The following NEURL3 variants were observed in gnomAD, a reference collection of about 807,000 sequenced individuals.
NEURL3 encodes the protein neuralized E3 ubiquitin protein ligase 3, also known as E3 ubiquitin-protein ligase NEURL3.
In NEURL3, 19 loss-of-function variants were observed where a neutral mutation model predicts 17.6. The observed-to-expected ratio is 1.08, with a 90% CI of 0.75 to 1.58. NEURL3 has a LOEUF of 1.58. Among genes scored for constraint, NEURL3 ranks in the 40% most tolerant of loss-of-function variants. The probability of loss-of-function intolerance (pLI) is 0.00; values close to 1 mark genes in which losing one functional copy is unlikely to be tolerated. For synonymous variants in NEURL3, 180 were observed against 161.4 expected (o/e 1.11, Z -0.87); for missense variants, 342 against 379.6 (o/e 0.90, Z 0.82).
chr2:96,497,891 C>G lies in NEURL3; in HGVS notation c.*353G>C. The G allele has an allele frequency of 4.7e-6, 1 of 210,666 alleles. No homozygotes were observed. The allele number at this position is 210,666 out of a possible 1,614,324, so 13.0% of individuals were successfully genotyped here. On this transcript the variant is annotated 3_prime_UTR_variant, in exon 4 of 4. Transcript: ENST00000451794. ...TTGCAGATACCTCCTGCTTCAAGTC[C>G]AGGTTCTTCAATACCCAGGAGGTAC...
At position 96,498,665 on chromosome 2, in the gene NEURL3, G is replaced by T. The variant is rs1171779561; in HGVS notation, c.587-219C>A. ...ATTCCAATTTAGAGAGAAGGAAAAC[G>T]CAGCACAGACAAGTCCCTATATACA... is the stretch of plus-strand genomic sequence containing the variant. On this transcript the variant is annotated intron_variant, in intron 3 of 3. Coordinates refer to ENST00000451794, the MANE Select transcript of NEURL3 (RefSeq NM_001285485.2). The surrounding 1 kb of genome is among the most constrained non-coding windows in gnomAD (Gnocchi z 4.4). Among the ~76,000 whole-genome samples, 1 of 152,108 alleles carries T rather than the reference G, an allele frequency of 6.6e-6. No homozygotes were observed. Among genetic ancestry groups the T allele is most frequent in the African/African-American group, 2.4e-5 (1 of 41,414 alleles).
At chr2:96,499,733 C>G (rs1026267471) in intron 2 of NEURL3, among the ~76,000 whole-genome samples, 3 of 152,060 alleles carry the variant, frequency 2.0e-5, no homozygotes, top group African/African-American at 7.2e-5. Context: ...GACCCTCGGC[C>G]GAGCCACATT....
At chr2:96,505,883 G>A (rs2065556990), upstream of NEURL3, among the ~76,000 whole-genome samples, 1 of 152,230 alleles carries the variant, frequency 6.6e-6, no homozygotes, top group South Asian at 2.1e-4. Context: ...GACAGAAGAG[G>A]AGAGGAGCTG....
In NEURL3 at chr2:96,500,839, C is replaced by T; in HGVS notation, c.114G>A (p.Ala38=). The T allele has an allele frequency of 6.5e-7, 1 of 1,531,572 alleles. No individual in the cohort carries two copies. Among genetic ancestry groups the T allele is most frequent in the Non-Finnish European group, 8.7e-7 (1 of 1,145,192 alleles). 94.9% of individuals were successfully genotyped at this position (1,531,572 alleles called of 1,614,324 possible). ...QVRLDTRGCI[A]HRRTTFHDGI... ...CGTCGTGGAACGTGGTGCGCCTGTG[C>T]GCGATGCAGCCACGCGTGTCCAGAC... The change falls in exon 2 of 4, where the codon GCG becomes GCA. Residue 38 remains alanine, a synonymous_variant. Transcript: ENST00000451794.
intron 1 of NEURL3, 91 bp from the exon 2 acceptor site, chr2:96,501,015 C>T: frequency 7.2e-7 from 1 of 1,379,648 alleles, no homozygotes; most frequent in South Asian, 1.6e-5. Context: ...GTCCCTCACA[C>T]CTGGGAGCAC....
At chr2:96,505,465 G>A, upstream of NEURL3, 1 of 648,658 alleles carries the variant, frequency 1.5e-6, no homozygotes, top group Non-Finnish European at 2.7e-6. Context: ...GGATTTCCCA[G>A]TGATTTCTCC....
At position 96,499,443 on chromosome 2, in the gene NEURL3, G is replaced by A. The variant is rs775160103; in HGVS notation, c.521C>T (p.Thr174Ile). 6.3e-7 allele frequency: 1 copy of A among 1,599,530 alleles called. No individual in the cohort carries two copies. The highest frequency in any genetic ancestry group is 1.1e-5 in the South Asian group (1 of 91,082). Reference sequence around the variant, plus strand: ...CATGGGTGTTGGGAGCCGGCTGGCTGTGGGATCTGAGGCAGAGAGAGAAAC... The same window carrying A: ...CATGGGTGTTGGGAGCCGGCTGGCTATGGGATCTGAGGCAGAGAGAGAAAC... ...TTKAIELLDP[T>I]ASRLPTPMPW... Residue 174 changes from threonine (T) to isoleucine (I), a missense_variant, in exon 3 of 4, where the codon ACA becomes ATA. Physicochemically the swap from Thr to Ile is moderately conservative, Grantham distance 89. Coordinates refer to ENST00000451794, the MANE Select transcript of NEURL3 (RefSeq NM_001285485.2).
At chr2:96,501,188 T>G (rs2065504361) in intron 1 of NEURL3, among the ~76,000 whole-genome samples, 1 of 152,158 alleles carries the variant, frequency 6.6e-6, no homozygotes, top group Admixed American at 6.5e-5. Context: ...TAAATATCTA[T>G]ATGTTTGTTA....
Position 96,498,263 on chromosome 2 carries a change from C to A in NEURL3, c.770G>T (p.Arg257Met). The change falls in exon 4 of 4, where the codon AGG becomes ATG. Residue 257 changes from arginine to methionine, a missense_variant. Physicochemically the swap from Arg to Met is moderately conservative, Grantham distance 91. Coordinates refer to ENST00000451794, the MANE Select transcript of NEURL3 (RefSeq NM_001285485.2). This position sits in a 1 kb window ranked among gnomAD's most constrained non-coding sequence, Gnocchi z 4.4. ...CTCCTTTCATGAGCCTTCCTCAACC[C>A]TCAGAGCAGGAGGGCCCTGCGCAGG... is the stretch of plus-strand genomic sequence containing the variant. ...VAPAQGPPAL[R>M]VEEGS 6.4e-7 allele frequency: 1 copy of A among 1,567,972 alleles called. No individual in the cohort carries two copies. Among genetic ancestry groups the A allele is most frequent in the East Asian group, 2.3e-5 (1 of 43,328 alleles).
At chr2:96,503,243 C>G (rs986758111) in intron 1 of NEURL3, among the ~76,000 whole-genome samples, 3 of 152,130 alleles carry the variant, frequency 2.0e-5, no homozygotes, top group Non-Finnish European at 4.4e-5. Flanking sequence ...CCTGGGAGCC[C>G]TTGAGAAGCA....
chr2:96,503,674 G>A (rs993536834), intron 1 of NEURL3, among the ~76,000 whole-genome samples: 3 of 152,188 alleles, frequency 2.0e-5, no homozygotes, highest in Non-Finnish European at 4.4e-5. Context: ...CTCTGTGCCT[G>A]GGTCTGGAGC....
upstream of NEURL3, among the ~76,000 whole-genome samples, chr2:96,506,886 C>T (rs1389086213): frequency 1.3e-5 from 2 of 152,198 alleles, no homozygotes; most frequent in African/African-American, 2.4e-5. Flanking sequence ...GGCCATGAGG[C>T]AGCTGGGGGG....
upstream of NEURL3, among the ~76,000 whole-genome samples, chr2:96,506,182 G>A (rs1009425632): frequency 1.3e-5 from 2 of 152,204 alleles, no homozygotes; most frequent in Middle Eastern, 3.4e-3. Flanking sequence ...GACTCAGAAA[G>A]CCTGAGGCCC....
intron 1 of NEURL3, 120 bp downstream of exon 1, chr2:96,505,139 A>G (rs1018482814): frequency 6.6e-6 from 8 of 1,213,826 alleles, no homozygotes; most frequent in Non-Finnish European, 9.3e-6. Flanking sequence ...CTGGGACCCC[A>G]CCAGCCCCCT....
upstream of NEURL3, among the ~76,000 whole-genome samples, chr2:96,506,530 G>A (rs2065562073): frequency 6.6e-6 from 1 of 152,200 alleles, no homozygotes. Context: ...CGGGGGCAAG[G>A]GCCTGGTGGG....
At chr2:96,499,176 C>A in intron 3 of NEURL3, 1 of 1,383,750 alleles carries the variant, frequency 7.2e-7, no homozygotes, top group Non-Finnish European at 9.4e-7. Context: ...CATAAAAGTG[C>A]TCTTATAACT....
Position 96,500,648 on chromosome 2 carries a change from T to G in NEURL3, c.305A>C (p.Glu102Ala). ...SLPPFLCPDL[E>A]EQSPTWAAVL... Reference sequence around the variant, plus strand: ...GGCCGCCCACGTCGGGCTCTGCTCCTCCAGGTCGGGGCACAGGAAGGGCGG... The same window carrying G: ...GGCCGCCCACGTCGGGCTCTGCTCCGCCAGGTCGGGGCACAGGAAGGGCGG... The change falls in exon 2 of 4, where the codon GAG becomes GCG. Residue 102 changes from glutamate to alanine, a missense_variant. Transcript: ENST00000451794. 1 of 1,519,162 alleles carries G rather than the reference T, an allele frequency of 6.6e-7. No homozygotes were observed. Among genetic ancestry groups the G allele is most frequent in the South Asian group, 1.2e-5 (1 of 81,296 alleles). 94.1% of individuals were successfully genotyped at this position (1,519,162 alleles called of 1,614,324 possible). A position where few individuals can be genotyped will look rare whatever the true frequency, so the allele number is the denominator to read the frequency against.
Position 96,498,169 on chromosome 2 carries a change from T to C in NEURL3, c.*75A>G. On this transcript the variant is annotated 3_prime_UTR_variant, in exon 4 of 4. Coordinates refer to ENST00000451794, the MANE Select transcript of NEURL3 (RefSeq NM_001285485.2). The surrounding 1 kb of genome is among the most constrained non-coding windows in gnomAD (Gnocchi z 4.4). Reference sequence around the variant, plus strand: ...CTCTTCCCCAGAAAGAAGGTAGGGCTGCGCCTCCTTCCTCTCTGCAGGGGC... The same window carrying C: ...CTCTTCCCCAGAAAGAAGGTAGGGCCGCGCCTCCTTCCTCTCTGCAGGGGC... 7.3e-7 allele frequency: 1 copy of C among 1,368,866 alleles called. No homozygotes were observed. The highest frequency in any genetic ancestry group is 1.5e-5 in the South Asian group (1 of 68,122). The allele number at this position is 1,368,866 out of a possible 1,614,324, so 84.8% of individuals were successfully genotyped here.
Position 96,498,117 on chromosome 2 carries a change from G to T in NEURL3, c.*127C>A. The T allele has an allele frequency of 1.0e-6, 1 of 977,130 alleles. No homozygotes were observed. Among genetic ancestry groups the T allele is most frequent in the Non-Finnish European group, 1.5e-6 (1 of 682,728 alleles). The allele number at this position is 977,130 out of a possible 1,614,324, so 60.5% of individuals were successfully genotyped here. A position where few individuals can be genotyped will look rare whatever the true frequency, so the allele number is the denominator to read the frequency against. On this transcript the variant is annotated 3_prime_UTR_variant, in exon 4 of 4. Coordinates refer to ENST00000451794, the MANE Select transcript of NEURL3 (RefSeq NM_001285485.2). This position sits in a 1 kb window ranked among gnomAD's most constrained non-coding sequence, Gnocchi z 4.4. Reference sequence around the variant, plus strand: ...ACCTCCCTGCCTTCCTCTCTCTGCCGCACCTCTTGCTAATCAGCCTTTCTG... The same window carrying T: ...ACCTCCCTGCCTTCCTCTCTCTGCCTCACCTCTTGCTAATCAGCCTTTCTG...
Sources: gnomAD v4.1 joint callset for allele counts (sites outside exome capture counted in the v4.1 genomes callset) on GRCh38, gnomAD v4.1.1 for gene constraint, Gnocchi (gnomAD v3.1) non-coding constraint, MANE v1.5 for transcripts, NCBI Gene and HGNC (gene_info 2026-07-23, HGNC 2026-07-21) for gene names.